The following NTRK2 variants were observed in gnomAD, a reference collection of about 807,000 sequenced individuals.
NTRK2 encodes BDNF/NT-3 growth factors receptor.
In NTRK2, 13 loss-of-function variants were observed where a neutral mutation model predicts 94.5. The observed-to-expected ratio is 0.14, with a 90% CI of 0.09 to 0.22. The LOEUF (loss-of-function observed/expected upper bound fraction) is 0.22, where lower values mean the gene tolerates loss of function less well. Ranked by LOEUF, NTRK2 falls within the 10% of genes least tolerant of loss-of-function variation. The pLI is 1.00. For synonymous variants in NTRK2, 372 were observed against 407.4 expected, an observed-to-expected ratio of 0.91 and a Z score of 1.05; for missense variants, 639 against 1,071.2, an observed-to-expected ratio of 0.60 and a Z score of 5.63.
intron 2 of NTRK2, among the ~76,000 whole-genome samples, chr9:84,686,907 G>C (rs1339406142): frequency 6.6e-6 from 1 of 151,754 alleles, no homozygotes; most frequent in East Asian, 1.9e-4. Flanking sequence ...TAATCAAAAA[G>C]ATAATTCTTT....
intron 6 of NTRK2, among the ~76,000 whole-genome samples, chr9:84,721,763 A>T (rs1358787866): frequency 6.6e-6 from 1 of 152,236 alleles, no homozygotes; most frequent in East Asian, 1.9e-4. Flanking sequence ...ATAGTGCCAC[A>T]TGGGTAAGGT....
rs148464696 is a variant in NTRK2 at position 85,022,051 on chromosome 9, C to G, written c.*614C>G. ...ATAAAAAAGAAAACTTGTGTTCAAT[C>G]TGTGAAGCCTTTATCTATGGGAGAT... is the stretch of plus-strand genomic sequence containing the variant. On this transcript the variant is annotated 3_prime_UTR_variant, in exon 19 of 19. Transcript: ENST00000277120. 1.1e-4 allele frequency: 25 copies of G among 234,124 alleles called. No homozygotes were observed. The highest frequency in any genetic ancestry group is 4.8e-4 in the African/African-American group (22 of 45,460). 14.5% of individuals were successfully genotyped at this position (234,124 alleles called of 1,614,324 possible). A position where few individuals can be genotyped will look rare whatever the true frequency, so the allele number is the denominator to read the frequency against.
intron 14 of NTRK2, among the ~76,000 whole-genome samples, chr9:84,910,607 A>C (rs1180898715): frequency 2.6e-5 from 4 of 151,998 alleles, no homozygotes; most frequent in African/African-American, 9.7e-5. Context: ...CAATCTGAGG[A>C]CTCAGCAGCC....
intron 14 of NTRK2, among the ~76,000 whole-genome samples, chr9:84,895,002 G>T (rs1250921714): frequency 6.6e-6 from 1 of 152,080 alleles, no homozygotes; most frequent in Non-Finnish European, 1.5e-5. Context: ...ATAACCCTTA[G>T]ATAATAGGGC....
At chr9:84,854,728 C>G (rs939047784) in intron 12 of NTRK2, among the ~76,000 whole-genome samples, 4 of 152,088 alleles carry the variant, frequency 2.6e-5, no homozygotes, top group Non-Finnish European at 5.9e-5. Context: ...TGGCGGATCA[C>G]TTGAGGTCAG....
At chr9:84,700,827 A>G (rs1588042175) in intron 2 of NTRK2, among the ~76,000 whole-genome samples, 1 of 152,116 alleles carries the variant, frequency 6.6e-6, no homozygotes, top group African/African-American at 2.4e-5. Context: ...ATTTTTTCAA[A>G]AAGAAAGGGG....
intron 17 of NTRK2, among the ~76,000 whole-genome samples, chr9:85,008,497 G>A (rs1414941214): frequency 6.6e-6 from 1 of 152,210 alleles, no homozygotes; most frequent in Non-Finnish European, 1.5e-5. Flanking sequence ...TATGTGCAAA[G>A]AAGCAAGAGT....
chr9:84,996,622 T>C (rs1421735006), intron 17 of NTRK2, among the ~76,000 whole-genome samples: 1 of 152,208 alleles, frequency 6.6e-6, no homozygotes, highest in East Asian at 1.9e-4. Context: ...ATGCAGTTGC[T>C]GGGGTAGCGA....
chr9:84,986,681 T>G (rs1828353988), intron 17 of NTRK2, among the ~76,000 whole-genome samples: 1 of 147,736 alleles, frequency 6.8e-6, no homozygotes, highest in Non-Finnish European at 1.5e-5. Context: ...TCTCATTTGT[T>G]GACAGACTTG....
Position 84,876,706 on chromosome 9 carries a change from T to C in NTRK2, c.1633+9275T>C, listed in dbSNP as rs3739806. ...AGGAACTATGATGCTAATGATCACA[T>C]TTCTTCCTAGTTCCTAATTTCATTA... On this transcript the variant is annotated intron_variant, in intron 14 of 18. Transcript: ENST00000277120. 1.3e-3 allele frequency: 1,379 copies of C among 1,060,670 alleles called. 31 individuals are homozygous for C. In the Admixed American group the frequency reaches 0.04, roughly 31 times the overall value. The allele number at this position is 1,060,670 out of a possible 1,614,324, so 65.7% of individuals were successfully genotyped here. A position where few individuals can be genotyped will look rare whatever the true frequency, so the allele number is the denominator to read the frequency against.
At chr9:84,760,682 T>A (rs2065479047) in intron 12 of NTRK2, among the ~76,000 whole-genome samples, 1 of 152,202 alleles carries the variant, frequency 6.6e-6, no homozygotes, top group South Asian at 2.1e-4. Context: ...GTTTCATTGA[T>A]TGATTGATTT....
At chr9:84,919,034 G>T (rs745498541) in intron 14 of NTRK2, among the ~76,000 whole-genome samples, 48 of 151,762 alleles carry the variant, frequency 3.2e-4, no homozygotes, top group Non-Finnish European at 5.2e-4. Context: ...TCTATGGTCT[G>T]GTCCCCTATC....
intron 5 of NTRK2, among the ~76,000 whole-genome samples, chr9:84,710,404 C>T (rs1201125514): frequency 6.6e-6 from 1 of 151,946 alleles, no homozygotes; most frequent in African/African-American, 2.4e-5. Context: ...ATCTTGTTTC[C>T]CCTGTTATTC....
intron 12 of NTRK2, among the ~76,000 whole-genome samples, chr9:84,767,865 T>C (rs2066182957): frequency 6.6e-6 from 1 of 152,222 alleles, no homozygotes; most frequent in Admixed American, 6.5e-5. Flanking sequence ...TGCTCAATAG[T>C]ACATATTTAT....
intron 17 of NTRK2, among the ~76,000 whole-genome samples, chr9:85,014,820 G>C (rs1020738478): frequency 9.9e-5 from 15 of 152,202 alleles, no homozygotes; most frequent in African/African-American, 2.7e-4. Context: ...ATTTTAACTA[G>C]AACGCAGTTG....
chr9:84,744,314 G>A (rs1374143559), intron 10 of NTRK2, among the ~76,000 whole-genome samples: 1 of 152,172 alleles, frequency 6.6e-6, no homozygotes, highest in Non-Finnish European at 1.5e-5. Flanking sequence ...TCTAAGTATT[G>A]TGTGGATCTA....
chr9:84,858,235 T>G (rs796941873), intron 12 of NTRK2, among the ~76,000 whole-genome samples: 40 of 152,282 alleles, frequency 2.6e-4, no homozygotes, highest in African/African-American at 8.7e-4. Context: ...ATCTCTTGCC[T>G]TAATTTTTTT....
At position 84,697,773 on chromosome 9, in the gene NTRK2, A is replaced by G. The variant is rs543743762; in HGVS notation, c.213-4386A>G. 5.9e-5 allele frequency among the ~76,000 whole-genome samples: 9 copies of G among 152,290 alleles called. No homozygotes were observed. The South Asian group carries it at 6.2e-4, about 11-fold the overall frequency. On this transcript the variant is annotated intron_variant, in intron 2 of 18. Transcript: ENST00000277120. ...CGGAGGCTGTGGAGCAGGGAAAGAA[A>G]GCTGTTAGCTGTTTGCTGTTTGGGT...
intron 14 of NTRK2, among the ~76,000 whole-genome samples, chr9:84,868,678 AG>A (rs547354861): frequency 1.7e-4 from 26 of 152,306 alleles, no homozygotes; most frequent in African/African-American, 4.8e-4. Flanking sequence ...GGTGTGAACA[AG>A]GTGAGTAGAG....
Sources: allele counts gnomAD v4.1 joint callset (sites outside exome capture counted in the v4.1 genomes callset), GRCh38; gene constraint gnomAD v4.1.1; transcripts MANE v1.5; gene names NCBI Gene and HGNC (gene_info 2026-07-23, HGNC 2026-07-21).